Variants in SHANK2 observed in about 807,000 individuals in gnomAD.
SHANK2 encodes the protein SH3 and multiple ankyrin repeat domains 2.
Under a neutral mutation model 133.7 loss-of-function variants are expected in SHANK2, and 43 were observed. The ratio of observed to expected loss-of-function variants is 0.32; its 90% confidence interval spans 0.25 to 0.41. The LOEUF is 0.41. Ranked by LOEUF, SHANK2 falls within the 10% of genes least tolerant of loss-of-function variation. The pLI is 1.00. For synonymous variants in SHANK2, 1,017 were observed against 952.8 expected (o/e 1.07, Z -1.24); for missense variants, 1,994 against 2,235.8 (o/e 0.89, Z 2.18).
chr11:70,648,343 T>C (rs1565212136), intron 17 of SHANK2, among the ~76,000 whole-genome samples: 1 of 152,158 alleles, frequency 6.6e-6, no homozygotes, highest in East Asian at 1.9e-4. Context: ...AAAAAAAGTG[T>C]ATAAACACAT....
At chr11:70,494,877 C>T (rs1180380440) in intron 21 of SHANK2, among the ~76,000 whole-genome samples, 3 of 152,202 alleles carry the variant, frequency 2.0e-5, no homozygotes, top group Non-Finnish European at 4.4e-5. Flanking sequence ...GCTCACTGGG[C>T]CCCAATTCTG....
intron 2 of SHANK2, among the ~76,000 whole-genome samples, chr11:71,210,719 C>T (rs1261378421): frequency 6.6e-6 from 1 of 152,102 alleles, no homozygotes; most frequent in Non-Finnish European, 1.5e-5. Context: ...CAGTGGATAC[C>T]AAGAGACCCA....
At chr11:70,654,711 G>A (rs1470498115) in intron 17 of SHANK2, among the ~76,000 whole-genome samples, 1 of 140,854 alleles carries the variant, frequency 7.1e-6, no homozygotes, top group African/African-American at 2.7e-5. Context: ...CCCCCTCCCT[G>A]CCCCAACTCC....
rs112099424 is a variant in SHANK2, at chr11:71,150,874, C to T, written c.-12-3536G>A. On this transcript the variant is annotated intron_variant, in intron 2 of 25. Coordinates refer to ENST00000601538, the MANE Select transcript of SHANK2 (RefSeq NM_012309.5). ...AAAGGGGGCACCTGTTTCTTACCCT[C>T]GAGTTCCTAAAATGAGAATGGGCTT... Among the ~76,000 whole-genome samples the T allele has an allele frequency of 4.1e-4, 62 of 152,226 alleles. 1 individual carries two copies. Among genetic ancestry groups the T allele is most frequent in the African/African-American group, 1.4e-3 (60 of 41,522 alleles).
intron 17 of SHANK2, among the ~76,000 whole-genome samples, chr11:70,519,562 G>A (rs993525772): frequency 3.9e-5 from 6 of 151,972 alleles, no homozygotes; most frequent in African/African-American, 9.7e-5. Context: ...CAGGAGAATC[G>A]CTTGAACCCA....
intron 14 of SHANK2, among the ~76,000 whole-genome samples, chr11:70,734,813 C>G (rs373773769): frequency 2.6e-5 from 4 of 152,344 alleles, no homozygotes; most frequent in East Asian, 1.9e-4. Flanking sequence ...CCAGCAACCA[C>G]CTGAGCGATG....
At chr11:70,942,079 C>T (rs1406486288) in intron 10 of SHANK2, among the ~76,000 whole-genome samples, 3 of 151,946 alleles carry the variant, frequency 2.0e-5, no homozygotes, top group Non-Finnish European at 4.4e-5. Flanking sequence ...CCCAGCTACT[C>T]AGGAGGCTGA....
At chr11:70,543,979 T>C (rs1216335102) in intron 17 of SHANK2, among the ~76,000 whole-genome samples, 4 of 152,210 alleles carry the variant, frequency 2.6e-5, no homozygotes, top group Non-Finnish European at 5.9e-5. Context: ...GTGGATTGCG[T>C]TGAGAGAGTA....
intron 21 of SHANK2, among the ~76,000 whole-genome samples, chr11:70,495,554 G>A (rs563303781): frequency 1.3e-5 from 2 of 152,320 alleles, no homozygotes; most frequent in East Asian, 1.9e-4. Flanking sequence ...CCAATGAAAC[G>A]GGGGTTGAGA....
At chr11:71,065,960 G>A (rs1342610072) in intron 9 of SHANK2, among the ~76,000 whole-genome samples, 5 of 136,358 alleles carry the variant, frequency 3.7e-5, no homozygotes, top group Non-Finnish European at 7.8e-5. Context: ...GTCTCCCAGG[G>A]AGATGAGCAG....
intron 11 of SHANK2, among the ~76,000 whole-genome samples, chr11:70,884,108 A>G (rs1949699978): frequency 6.6e-6 from 1 of 152,232 alleles, no homozygotes; most frequent in African/African-American, 2.4e-5. Flanking sequence ...GCACCAGCCC[A>G]TGCTTGGCTC....
At position 71,094,705 on chromosome 11, in the gene SHANK2, C is replaced by A. The variant is rs1314129851; in HGVS notation, c.593-17G>T. 26 of 1,550,814 alleles carry A rather than the reference C, an allele frequency of 1.7e-5. No individual in the cohort carries two copies. The highest frequency in any genetic ancestry group is 2.3e-5 in the Non-Finnish European group (26 of 1,146,254). The stretch of plus-strand genomic sequence containing the variant: ...GGGGGGTCTCTGAGGAACCCAAACA[C>A]ACACACTTTAGAACCAACATTTGTC... On this transcript the variant is annotated splice_polypyrimidine_tract_variant and intron_variant, in intron 6 of 25. Coordinates refer to ENST00000601538, the MANE Select transcript of SHANK2 (RefSeq NM_012309.5).
chr11:70,611,375 G>C (rs1205217726), intron 17 of SHANK2, among the ~76,000 whole-genome samples: 2 of 152,106 alleles, frequency 1.3e-5, no homozygotes, highest in African/African-American at 4.8e-5. Context: ...CCCGTTCCTC[G>C]ACAGTTTTCT....
chr11:71,091,085 A>G (rs1437427612), intron 8 of SHANK2, among the ~76,000 whole-genome samples: 1 of 152,240 alleles, frequency 6.6e-6, no homozygotes, highest in Non-Finnish European at 1.5e-5. Flanking sequence ...ACATAAAATT[A>G]ATGATCACAG....
At chr11:70,513,241 T>C (rs1256809496) in intron 17 of SHANK2, among the ~76,000 whole-genome samples, 1 of 151,778 alleles carries the variant, frequency 6.6e-6, no homozygotes, top group East Asian at 1.9e-4. Context: ...ACAGTGGCCA[T>C]AGCAGCCAAA....
At chr11:70,796,467 G>T (rs1227922859) in intron 14 of SHANK2, among the ~76,000 whole-genome samples, 1 of 152,226 alleles carries the variant, frequency 6.6e-6, no homozygotes, top group Non-Finnish European at 1.5e-5. Flanking sequence ...GGCTCTGAAG[G>T]TGAGTGCCAG....
chr11:70,839,453 G>A (rs986824126), intron 11 of SHANK2, among the ~76,000 whole-genome samples: 8 of 152,224 alleles, frequency 5.3e-5, no homozygotes, highest in Admixed American at 2.6e-4. Context: ...GGGCGGGTAC[G>A]TCAAAGGAGA....
At chr11:71,144,895 C>T (rs1461923064) in intron 3 of SHANK2, among the ~76,000 whole-genome samples, 2 of 152,226 alleles carry the variant, frequency 1.3e-5, no homozygotes, top group Non-Finnish European at 2.9e-5. Flanking sequence ...CAAGGTATTT[C>T]TATCCATATG....
intron 2 of SHANK2, among the ~76,000 whole-genome samples, chr11:71,178,498 T>C (rs149356815): frequency 1.3e-5 from 2 of 152,348 alleles, no homozygotes; most frequent in Admixed American, 6.5e-5. Context: ...GTTTTGGGTA[T>C]AGACAGAGTG....
Sources: gnomAD v4.1 joint callset for allele counts (sites outside exome capture counted in the v4.1 genomes callset) on GRCh38, gnomAD v4.1.1 for gene constraint, MANE v1.5 for transcripts, NCBI Gene and HGNC (gene_info 2026-07-23, HGNC 2026-07-21) for gene names.